RBPJ: variants seen among roughly 807,000 people sequenced by gnomAD.
RBPJ encodes the protein recombining binding protein suppressor of hairless.
In RBPJ, 9 loss-of-function variants were observed where a neutral mutation model predicts 67.8. The ratio of observed to expected loss-of-function variants is 0.13; its 90% CI spans 0.08 to 0.23. The LOEUF (loss-of-function observed/expected upper bound fraction) is 0.23, where lower values mean the gene tolerates loss of function less well. Among genes scored for constraint, RBPJ ranks in the 10% least tolerant of loss-of-function variants. The probability of loss-of-function intolerance (pLI) is 1.00; values close to 1 mark genes in which losing one functional copy is unlikely to be tolerated. For missense variants in RBPJ, 305 were observed against 595.6 expected, an observed-to-expected ratio of 0.51 and a Z score of 5.08; for synonymous variants, 198 against 203.3, an observed-to-expected ratio of 0.97 and a Z score of 0.22.
At chr4:26,258,258 T>A (rs533609197) in intron 1 of RBPJ, among the ~76,000 whole-genome samples, 2 of 152,348 alleles carry the variant, frequency 1.3e-5, no homozygotes, top group Non-Finnish European at 2.9e-5. Flanking sequence ...TCACTACCAA[T>A]TGACTTTTTT....
intron 1 of RBPJ, among the ~76,000 whole-genome samples, chr4:26,205,915 A>T (rs1718153040): frequency 6.6e-6 from 1 of 152,176 alleles, no homozygotes; most frequent in Non-Finnish European, 1.5e-5. Flanking sequence ...TTAAGAAAAA[A>T]AAAACTTCTA....
At chr4:26,323,717 A>G (rs759588836) in intron 1 of RBPJ, among the ~76,000 whole-genome samples, 37 of 152,236 alleles carry the variant, frequency 2.4e-4, no homozygotes, top group Non-Finnish European at 3.5e-4. Context: ...ATTTCTATCA[A>G]TGTTTTTTTT....
At chr4:26,204,732 G>A (rs1465730998) in intron 1 of RBPJ, among the ~76,000 whole-genome samples, 3 of 152,214 alleles carry the variant, frequency 2.0e-5, no homozygotes, top group Non-Finnish European at 4.4e-5. Context: ...CATGAACATA[G>A]CACTGCTCTC....
chr4:26,277,114 T>TAAAAA (rs34364319), intron 1 of RBPJ, among the ~76,000 whole-genome samples: 1 of 137,146 alleles, frequency 7.3e-6, no homozygotes, highest in Non-Finnish European at 1.6e-5. Context: ...ACCCCATTTC[T>TAAAAA]AAAAAAAAAA....
intron 1 of RBPJ, among the ~76,000 whole-genome samples, chr4:26,229,962 G>A (rs1283926287): frequency 2.0e-5 from 3 of 152,124 alleles, no homozygotes; most frequent in African/African-American, 7.2e-5. Flanking sequence ...GCCAAGGCGG[G>A]AAAACGGCTT....
At chr4:26,366,728 TAAATA>T (rs1200045894) in intron 1 of RBPJ, among the ~76,000 whole-genome samples, 1 of 152,006 alleles carries the variant, frequency 6.6e-6, no homozygotes, top group Non-Finnish European at 1.5e-5. Context: ...TCTGTCTTGG[TAAATA>T]TTTAAAGGTT....
intron 1 of RBPJ, among the ~76,000 whole-genome samples, chr4:26,270,381 G>GAAAGAA (rs1553855319): frequency 2.0e-5 from 1 of 49,422 alleles, no homozygotes; most frequent in Non-Finnish European, 4.5e-5. Flanking sequence ...AAGAAAGAAA[G>GAAAGAA]AAAGAAAGAA....
At chr4:26,215,047 G>T in intron 1 of RBPJ, among the ~76,000 whole-genome samples, 1 of 92,496 alleles carries the variant, frequency 1.1e-5, no homozygotes, top group Non-Finnish European at 2.1e-5. Flanking sequence ...GAGGGAGGGA[G>T]GGAAGAGAGA....
chr4:26,106,282 C>T, the RBPJ span, among the ~76,000 whole-genome samples: 3 of 152,208 alleles, frequency 2.0e-5, no homozygotes, highest in Non-Finnish European at 4.4e-5. Context: ...TATTTGGATT[C>T]TACTAATTGG....
chr4:26,310,033 A>C (rs1434817424), intron 1 of RBPJ, among the ~76,000 whole-genome samples: 1 of 152,196 alleles, frequency 6.6e-6, no homozygotes, highest in African/African-American at 2.4e-5. Flanking sequence ...GAACTGCTGC[A>C]CATATTAACA....
chr4:26,256,600 A>C (rs1720351133), intron 1 of RBPJ, among the ~76,000 whole-genome samples: 1 of 152,226 alleles, frequency 6.6e-6, no homozygotes, highest in South Asian at 2.1e-4. Context: ...TTGAACTTAC[A>C]TCATCCCTTA....
intron 1 of RBPJ, among the ~76,000 whole-genome samples, chr4:26,235,738 T>C (rs1160954965): frequency 1.3e-5 from 2 of 152,238 alleles, no homozygotes; most frequent in African/African-American, 4.8e-5. Flanking sequence ...TCAGAAATTA[T>C]GTTTTCCTGT....
chr4:26,300,362 C>T (rs887057240), intron 1 of RBPJ, among the ~76,000 whole-genome samples: 2 of 152,152 alleles, frequency 1.3e-5, no homozygotes, highest in Non-Finnish European at 2.9e-5. Context: ...CCAATCTAGA[C>T]TTTAACTAAA....
intron 1 of RBPJ, among the ~76,000 whole-genome samples, chr4:26,227,594 T>C (rs1166822271): frequency 6.6e-6 from 1 of 152,206 alleles, no homozygotes; most frequent in South Asian, 2.1e-4. Context: ...TTTTGCAGAG[T>C]CTGAATGCAT....
chr4:26,406,823 T>TG (rs1733468087), intron 3 of RBPJ, among the ~76,000 whole-genome samples: 1 of 152,262 alleles, frequency 6.6e-6, no homozygotes, highest in Non-Finnish European at 1.5e-5. Flanking sequence ...AGCTAAGACT[T>TG]GCCTGGGCCT....
rs147908856 is a variant in RBPJ, at chr4:26,183,713, T to C, written c.-167+20099T>C. Among the ~76,000 whole-genome samples, 451 of 152,160 alleles carry C rather than the reference T, an allele frequency of 3.0e-3. 3 individuals are homozygous for C. The highest frequency in any genetic ancestry group is 0.01 in the African/African-American group (426 of 41,520). On this transcript the variant is annotated intron_variant, in intron 1 of 4. Transcript: ENST00000512351. Reference sequence around the variant, plus strand: ...ATAATAGCCCAGATGGTCTGTCCTGTTAAAGAAAAAATGTAGCCGGGCGTG... The same window carrying C: ...ATAATAGCCCAGATGGTCTGTCCTGCTAAAGAAAAAATGTAGCCGGGCGTG...
At chr4:26,335,596 C>T (rs992303247) in intron 1 of RBPJ, among the ~76,000 whole-genome samples, 11 of 151,794 alleles carry the variant, frequency 7.2e-5, no homozygotes, top group Non-Finnish European at 1.6e-4. Context: ...GTCAACTTCC[C>T]CAGCCCACAT....
chr4:26,361,896 G>A (rs543269822), intron 1 of RBPJ, among the ~76,000 whole-genome samples: 4 of 152,254 alleles, frequency 2.6e-5, no homozygotes, highest in East Asian at 1.9e-4. Context: ...AGAGAATGGC[G>A]GTAAAACTTG....
intron 1 of RBPJ, among the ~76,000 whole-genome samples, chr4:26,255,284 G>A (rs1390630689): frequency 3.9e-5 from 5 of 129,662 alleles, no homozygotes; most frequent in Admixed American, 7.7e-5. Flanking sequence ...GGCGCCTGTA[G>A]TCCCAGCTAC....
Sources: allele counts gnomAD v4.1 joint callset (sites outside exome capture counted in the v4.1 genomes callset), GRCh38; gene constraint gnomAD v4.1.1; transcripts MANE v1.5; gene names NCBI Gene and HGNC (gene_info 2026-07-23, HGNC 2026-07-21).